The following EP300 variants were observed in gnomAD, a reference collection of about 807,000 sequenced individuals.
EP300 encodes the protein histone acetyltransferase p300.
Under a neutral mutation model 264.0 loss-of-function variants are expected in EP300, and 31 were observed. The ratio of observed to expected loss-of-function variants is 0.12; its 90% CI spans 0.09 to 0.16. The LOEUF is 0.16. Ranked by LOEUF, EP300 falls within the 10% of genes least tolerant of loss-of-function variation. The pLI, the probability that EP300 is intolerant of heterozygous loss-of-function variation, is 1.00. For synonymous variants in EP300, 1,340 were observed against 1,045.4 expected (o/e 1.28, Z -5.44); for missense variants, 2,766 against 3,052.9 (o/e 0.91, Z 2.21).
intron 22 of EP300, among the ~76,000 whole-genome samples, chr22:41,165,302 A>G (rs2059128135): frequency 6.6e-6 from 1 of 152,178 alleles, no homozygotes; most frequent in African/African-American, 2.4e-5. Context: ...ATTTATGTTC[A>G]TTATAAAATT....
At chr22:41,167,560 T>TTGTGTGTGTGTGTG (rs71328777) in intron 23 of EP300, among the ~76,000 whole-genome samples, 3 of 51,094 alleles carry the variant, frequency 5.9e-5, no homozygotes, top group African/African-American at 2.1e-4. Context: ...GTTTATATAT[T>TTGTGTGTGTGTGTG]TGTGTGTGTG....
Position 41,170,679 on chromosome 22 carries a change from T to TTG in EP300, c.4452+108_4452+109insTG. 6.3e-6 allele frequency: 6 copies of TTG among 950,742 alleles called. No homozygotes were observed. The South Asian group carries it at 9.3e-5, about 15-fold the overall frequency. The allele number at this position is 950,742 out of a possible 1,614,324, so 58.9% of individuals were successfully genotyped here. On this transcript the variant is annotated intron_variant, in intron 27 of 30. Coordinates refer to ENST00000263253, the MANE Select transcript of EP300 (RefSeq NM_001429.4). ...TTTTTTTTTTTTTTTTTTTTTTTTT[T>TTG]GAGACGGAGTCTCGCTCTGTCACGC...
In EP300 at chr22:41,177,726, A is replaced by G; in HGVS notation, c.6015A>G (p.Gln2005=). The G allele has an allele frequency of 7.4e-6, 12 of 1,613,876 alleles. No individual in the cohort carries two copies. Among genetic ancestry groups the G allele is most frequent in the Non-Finnish European group, 1.0e-5 (12 of 1,180,006 alleles). ...AAGGAGGATTGCCTCAGCCCCAGCAACTACAGTCTGGGATGCCAAGGCCAG... is the reference window on the plus strand; with the variant it reads ...AAGGAGGATTGCCTCAGCCCCAGCAGCTACAGTCTGGGATGCCAAGGCCAG... ...WSQGGLPQPQ[Q]LQSGMPRPAM... Residue 2005 remains glutamine (Q), a synonymous_variant, in exon 31 of 31, where the codon CAA becomes CAG. Transcript: ENST00000263253.
intron 1 of EP300, among the ~76,000 whole-genome samples, chr22:41,109,874 C>T (rs181875055): frequency 1.3e-5 from 2 of 151,406 alleles, no homozygotes; most frequent in African/African-American, 2.4e-5. Context: ...AGTGCAATGG[C>T]GTGATCTCAG....
chr22:41,155,228 T>TC, intron 17 of EP300, 115 bp downstream of exon 17: 1 of 312,002 alleles, frequency 3.2e-6, no homozygotes, highest in Non-Finnish European at 5.3e-6. Context: ...AATTCAGTGA[T>TC]TTTTTTTTTT....
chr22:41,118,862 A>T (rs990973947), intron 2 of EP300, among the ~76,000 whole-genome samples: 1 of 151,980 alleles, frequency 6.6e-6, no homozygotes, highest in Non-Finnish European at 1.5e-5. Flanking sequence ...CAGATGGACA[A>T]ACTTGTGTTG....
Position 41,152,219 on chromosome 22 carries a change from A to T in EP300, c.3011A>T (p.Asp1004Val), listed in dbSNP as rs767033317. The T allele has an allele frequency of 1.6e-5, 26 of 1,614,036 alleles. No homozygotes were observed. The highest frequency in any genetic ancestry group is 2.2e-5 in the Non-Finnish European group (26 of 1,179,986). Residue 1004 changes from aspartate (D) to valine (V), a missense_variant, in exon 16 of 31, where the codon GAC (aspartate) becomes GTC (valine). Transcript: ENST00000263253. ...GTTTTCTTTTAGTCTAAAGTGGAAG[A>T]CTGTAAAATGGAATCTACCGAAACA... ...PEDISESKVE[D>V]CKMESTETEE...
chr22:41,110,685 T>C (rs1455082314), intron 1 of EP300, among the ~76,000 whole-genome samples: 1 of 152,132 alleles, frequency 6.6e-6, no homozygotes, highest in Non-Finnish European at 1.5e-5. Flanking sequence ...ATTACAGGCG[T>C]GAGCCACCCT....
intron 15 of EP300, 82 bp downstream of exon 15, chr22:41,152,094 A>G: frequency 1.9e-6 from 3 of 1,592,892 alleles, no homozygotes; most frequent in South Asian, 1.1e-5. Context: ...GCAGAAAAAT[A>G]TTTTGATAAT....
intron 8 of EP300, among the ~76,000 whole-genome samples, chr22:41,138,982 C>G (rs554501231): frequency 6.6e-6 from 1 of 152,132 alleles, no homozygotes; most frequent in South Asian, 2.1e-4. Flanking sequence ...CTGAGTCTTT[C>G]TCTGTCGCCC....
In EP300 at chr22:41,127,824, A is replaced by G. The variant is rs562882508; in HGVS notation, c.1168+76A>G. The G allele has an allele frequency of 1.8e-5, 29 of 1,579,780 alleles. No homozygotes were observed. The South Asian group carries it at 1.9e-4, about 10-fold the overall frequency. ...GAAGAAGGAAAATGTGATCAAGTCTATTTTGTGGTGATGGATATGTTTAAT... is the reference window on the plus strand; with the variant it reads ...GAAGAAGGAAAATGTGATCAAGTCTGTTTTGTGGTGATGGATATGTTTAAT... On this transcript the variant is annotated intron_variant, in intron 4 of 30. Transcript: ENST00000263253.
Position 41,092,930 on chromosome 22 carries a change from C to T in EP300, c.-75C>T, listed in dbSNP as rs1048015183. The T allele has an allele frequency of 5.1e-6, 8 of 1,554,362 alleles. No homozygotes were observed. Among genetic ancestry groups the T allele is most frequent in the South Asian group, 1.1e-5 (1 of 89,838 alleles). The stretch of plus-strand genomic sequence containing the variant: ...CCCCAGCCCACCCCTGGGTGCGGCG[C>T]GGGGACCCCGGGCCGAAGAAGAGAT... On this transcript the variant is annotated 5_prime_UTR_variant, in exon 1 of 31. Transcript: ENST00000263253.
intron 1 of EP300, among the ~76,000 whole-genome samples, chr22:41,113,111 A>T: frequency 6.8e-6 from 1 of 146,982 alleles, no homozygotes; most frequent in African/African-American, 2.5e-5. Context: ...TCTTACTCTC[A>T]TTTCAAAATG....
intron 27 of EP300, among the ~76,000 whole-genome samples, chr22:41,170,822 C>T (rs1420078741): frequency 3.3e-5 from 5 of 151,778 alleles, no homozygotes; most frequent in Non-Finnish European, 5.9e-5. Flanking sequence ...CCATCACACC[C>T]GGCTAAATTT....
At chr22:41,151,796 CGT>C (rs764204910) in intron 14 of EP300, 35 bp from the exon 15 acceptor site, 68 of 1,601,682 alleles carry the variant, frequency 4.2e-5, no homozygotes, top group Non-Finnish European at 5.6e-5. Flanking sequence ...GCAGACTCTG[CGT>C]GTGTCTCACC....
chr22:41,131,141 A>AT (rs2145715185), intron 5 of EP300, among the ~76,000 whole-genome samples: 1 of 152,332 alleles, frequency 6.6e-6, no homozygotes, highest in South Asian at 2.1e-4. Context: ...TGGTCGGAAC[A>AT]TTAATAAAGC....
rs1350478066 is a variant in EP300, at chr22:41,147,950, A to C, written c.2241+4A>C. 1.3e-5 allele frequency: 20 copies of C among 1,591,260 alleles called. No homozygotes were observed. Among genetic ancestry groups the C allele is most frequent in the Non-Finnish European group, 1.7e-5 (20 of 1,166,770 alleles). ...TCAACCTGGAGCTCTCAACCCGGTT[A>C]GTTTGACGTCTTTGGTAATCTCTTT... On this transcript the variant is annotated splice_donor_region_variant and intron_variant, in intron 12 of 30. Transcript: ENST00000263253.
At chr22:41,098,970 C>T (rs1338168097) in intron 1 of EP300, among the ~76,000 whole-genome samples, 1 of 152,142 alleles carries the variant, frequency 6.6e-6, no homozygotes, top group Non-Finnish European at 1.5e-5. Flanking sequence ...TAGGACTATG[C>T]TTGCTTCTGT....
chr22:41,152,353 G>GA lies in EP300; in HGVS notation c.3142+4dup. The GA allele has an allele frequency of 6.2e-7, 1 of 1,612,570 alleles. No individual in the cohort carries two copies. Among genetic ancestry groups the GA allele is most frequent in the Non-Finnish European group, 8.5e-7 (1 of 1,179,200 alleles). ...TCCAGGACAGTCAAAGAAAAAGAGT[G>GA]AGTCTCTGAAGCCATTCGTTCTGGA... On this transcript the variant is annotated splice_donor_region_variant and intron_variant, in intron 16 of 30. Transcript: ENST00000263253.
Sources: allele counts gnomAD v4.1 joint callset (sites outside exome capture counted in the v4.1 genomes callset), GRCh38; gene constraint gnomAD v4.1.1; transcripts MANE v1.5; gene names NCBI Gene and HGNC (gene_info 2026-07-23, HGNC 2026-07-21).